Variants in KCNB2 observed in about 807,000 individuals in gnomAD.
KCNB2 encodes the protein delayed rectifier potassium channel protein.
KCNB2 carries 15 observed loss-of-function variants against 61.5 expected under a neutral mutation model. The ratio of observed to expected loss-of-function variants is 0.24; its 90% CI spans 0.16 to 0.38. KCNB2 has a LOEUF of 0.38. Ranked by LOEUF, KCNB2 falls within the 10% of genes least tolerant of loss-of-function variation. The probability of loss-of-function intolerance (pLI) is 1.00; values close to 1 mark genes in which losing one functional copy is unlikely to be tolerated. For missense variants in KCNB2, 828 were observed against 1,125.2 expected, an observed-to-expected ratio of 0.74 and a Z score of 3.78; for synonymous variants, 457 against 446.0, an observed-to-expected ratio of 1.02 and a Z score of -0.31.
chr8:72,754,645 A>T (rs957700911), intron 2 of KCNB2, among the ~76,000 whole-genome samples: 8 of 152,242 alleles, frequency 5.3e-5, no homozygotes, highest in African/African-American at 1.9e-4. Flanking sequence ...TAAAATTTAT[A>T]ACTGTTATCT....
chr8:72,658,374 CT>C (rs1806325756), intron 2 of KCNB2, among the ~76,000 whole-genome samples: 1 of 152,144 alleles, frequency 6.6e-6, no homozygotes, highest in African/African-American at 2.4e-5. Context: ...GGTCCTAACT[CT>C]ACAATTCTAT....
chr8:72,932,689 A>G (rs1806813576), intron 2 of KCNB2, among the ~76,000 whole-genome samples: 1 of 152,210 alleles, frequency 6.6e-6, no homozygotes, highest in Non-Finnish European at 1.5e-5. Context: ...TTAACCACTC[A>G]GTCAGTGCTG....
chr8:72,630,659 T>C (rs185720685), intron 2 of KCNB2, among the ~76,000 whole-genome samples: 4 of 152,310 alleles, frequency 2.6e-5, no homozygotes, highest in Non-Finnish European at 5.9e-5. Context: ...GACTTGACCT[T>C]ACTAATACTG....
At chr8:72,883,327 T>A (rs1805749224) in intron 2 of KCNB2, among the ~76,000 whole-genome samples, 1 of 152,172 alleles carries the variant, frequency 6.6e-6, no homozygotes, top group Non-Finnish European at 1.5e-5. Flanking sequence ...GTAACTACAG[T>A]CTCTGCAGAG....
At chr8:72,626,135 T>G (rs912337181) in intron 2 of KCNB2, among the ~76,000 whole-genome samples, 4 of 152,146 alleles carry the variant, frequency 2.6e-5, no homozygotes, top group Non-Finnish European at 5.9e-5. Context: ...GTATGTTAGT[T>G]CTAGTGTCCA....
chr8:72,727,109 C>G (rs1807663725), intron 2 of KCNB2, among the ~76,000 whole-genome samples: 1 of 152,122 alleles, frequency 6.6e-6, no homozygotes, highest in African/African-American at 2.4e-5. Context: ...AAATCTTTAA[C>G]AAGTAGAAGC....
At chr8:72,731,176 G>A (rs1257528534) in intron 2 of KCNB2, among the ~76,000 whole-genome samples, 1 of 152,204 alleles carries the variant, frequency 6.6e-6, no homozygotes, top group Admixed American at 6.5e-5. Context: ...GAGAGAGTAA[G>A]AGGAAAACAT....
chr8:72,886,336 C>T (rs1457469380), intron 2 of KCNB2, among the ~76,000 whole-genome samples: 2 of 152,178 alleles, frequency 1.3e-5, no homozygotes, highest in East Asian at 3.8e-4. Flanking sequence ...TATCCTAAAA[C>T]CTGTTCTCTC....
chr8:72,860,025 T>C (rs575646849), intron 2 of KCNB2, among the ~76,000 whole-genome samples: 1 of 152,280 alleles, frequency 6.6e-6, no homozygotes, highest in African/African-American at 2.4e-5. Flanking sequence ...GGCCTTCATT[T>C]CTTTTTATTG....
intron 2 of KCNB2, among the ~76,000 whole-genome samples, chr8:72,902,912 A>T (rs1806112818): frequency 6.6e-6 from 1 of 152,190 alleles, no homozygotes; most frequent in Non-Finnish European, 1.5e-5. Flanking sequence ...ATGGGAAATC[A>T]GAGATTTGGT....
rs1469416583 is a variant in KCNB2 at position 72,568,276 on chromosome 8, A to T, written c.542A>T (p.Asp181Val). The change falls in exon 2 of 3, where the codon GAC becomes GTC. Residue 181 changes from aspartate to valine, a missense_variant. Asp to Val is a radical substitution (Grantham distance 152, BLOSUM62 -3). Transcript: ENST00000523207. ...CCTGATAAAAGGAAGAAACTGTGGG[A>T]CTTGCTGGAGAAACCTAACTCATCA... is the stretch of plus-strand genomic sequence containing the variant. ...CCPDKRKKLWDLLEKPNSSVA... is the reference protein window; with the variant it reads ...CCPDKRKKLWVLLEKPNSSVA... The T allele has an allele frequency of 6.2e-7, 1 of 1,612,878 alleles. No individual in the cohort carries two copies. Among genetic ancestry groups the T allele is most frequent in the Non-Finnish European group, 8.5e-7 (1 of 1,179,702 alleles).
intron 2 of KCNB2, among the ~76,000 whole-genome samples, chr8:72,833,075 G>C (rs1469722827): frequency 6.6e-6 from 1 of 152,168 alleles, no homozygotes; most frequent in Non-Finnish European, 1.5e-5. Context: ...AATATTATCA[G>C]ATAATTTAAT....
chr8:72,567,299 G>A (rs1806638733), intron 1 of KCNB2, among the ~76,000 whole-genome samples: 1 of 152,096 alleles, frequency 6.6e-6, no homozygotes, highest in Non-Finnish European at 1.5e-5. Context: ...GTCACAGAGA[G>A]AGACCTGTCT....
chr8:72,690,203 C>T (rs536773867), intron 2 of KCNB2, among the ~76,000 whole-genome samples: 29 of 152,146 alleles, frequency 1.9e-4, no homozygotes, highest in African/African-American at 3.4e-4. Context: ...TCCCATGAAT[C>T]GTACACTGTT....
intron 2 of KCNB2, among the ~76,000 whole-genome samples, chr8:72,784,831 G>T (rs1034012682): frequency 1.3e-5 from 2 of 152,114 alleles, no homozygotes; most frequent in Non-Finnish European, 2.9e-5. Context: ...GAAGGCCAGG[G>T]ACTATTCGTC....
intron 2 of KCNB2, among the ~76,000 whole-genome samples, chr8:72,905,885 GGATGTA>G (rs1167208021): frequency 6.6e-6 from 1 of 152,022 alleles, no homozygotes; most frequent in Non-Finnish European, 1.5e-5. Flanking sequence ...AAGATGTTTG[GGATGTA>G]GATCAAGGGT....
rs1806576660 is a variant in KCNB2 at position 72,672,225 on chromosome 8, A to G, written c.579+103912A>G. On this transcript the variant is annotated intron_variant, in intron 2 of 2. Transcript: ENST00000523207. ...GAAAAGTATATTTTGTTACAAAATT[A>G]TTGCATTAAATTAGGTTAAATGAAT... is the stretch of plus-strand genomic sequence containing the variant. Among the ~76,000 whole-genome samples, 5 of 152,336 alleles carry G rather than the reference A, an allele frequency of 3.3e-5. No individual in the cohort carries two copies. In the South Asian group the frequency reaches 1.0e-3, roughly 32 times the overall value.
intron 2 of KCNB2, among the ~76,000 whole-genome samples, chr8:72,793,969 G>A (rs1350472885): frequency 6.6e-6 from 1 of 152,144 alleles, no homozygotes; most frequent in East Asian, 1.9e-4. Context: ...TGAAGGCCAG[G>A]GTAAGGACGT....
At chr8:72,853,233 T>C (rs1810151864) in intron 2 of KCNB2, among the ~76,000 whole-genome samples, 1 of 152,184 alleles carries the variant, frequency 6.6e-6, no homozygotes, top group Admixed American at 6.5e-5. Flanking sequence ...TCTCCAGGCA[T>C]GGAAGCTCAT....
Sources: allele counts gnomAD v4.1 joint callset (sites outside exome capture counted in the v4.1 genomes callset), GRCh38; gene constraint gnomAD v4.1.1; transcripts MANE v1.5; gene names NCBI Gene and HGNC (gene_info 2026-07-23, HGNC 2026-07-21).